Variants in DAB1 observed in about 807,000 individuals in gnomAD.
DAB1 encodes DAB adaptor protein 1.
DAB1 carries 15 observed loss-of-function variants against 64.6 expected under a neutral mutation model. That is an observed-to-expected ratio of 0.23 (90% CI 0.16 to 0.36). The LOEUF (loss-of-function observed/expected upper bound fraction) is 0.36. DAB1 is among the 10% of genes least tolerant of loss of function. The probability of loss-of-function intolerance (pLI) is 1.00; values close to 1 mark genes in which losing one functional copy is unlikely to be tolerated. For synonymous variants in DAB1, 235 were observed against 251.9 expected, an observed-to-expected ratio of 0.93 and a Z score of 0.64; for missense variants, 596 against 706.7, an observed-to-expected ratio of 0.84 and a Z score of 1.78.
intron 7 of DAB1, among the ~76,000 whole-genome samples, chr1:57,610,716 G>A (rs138638709): frequency 2.7e-3 from 418 of 152,220 alleles, no homozygotes; most frequent in Non-Finnish European, 4.3e-3. Flanking sequence ...AATGCCAGAC[G>A]CTTATAAAAC....
intron 7 of DAB1, among the ~76,000 whole-genome samples, chr1:57,504,249 G>A (rs1644320179): frequency 6.6e-6 from 1 of 152,146 alleles, no homozygotes; most frequent in Admixed American, 6.5e-5. Context: ...TTTCAATAAA[G>A]GGAACCAGGA....
intron 3 of DAB1, among the ~76,000 whole-genome samples, chr1:58,453,972 A>G (rs1645165186): frequency 6.6e-6 from 1 of 151,922 alleles, no homozygotes; most frequent in Non-Finnish European, 1.5e-5. Context: ...CTTGCACATC[A>G]GCTTGTACAA....
intron 3 of DAB1, among the ~76,000 whole-genome samples, chr1:58,479,591 G>C (rs1361334830): frequency 1.3e-5 from 2 of 152,164 alleles, no homozygotes; most frequent in Non-Finnish European, 2.9e-5. Flanking sequence ...TCTGAGAGAA[G>C]AACCTATAAA....
At chr1:57,318,807 C>G (rs1422549374) in intron 1 of DAB1, among the ~76,000 whole-genome samples, 1 of 150,014 alleles carries the variant, frequency 6.7e-6, no homozygotes, top group Non-Finnish European at 1.5e-5. Flanking sequence ...TGGGTAAAGA[C>G]ATGGGCTTGT....
intron 4 of DAB1, among the ~76,000 whole-genome samples, chr1:57,094,570 C>T (rs1261041605): frequency 6.6e-6 from 1 of 152,214 alleles, no homozygotes; most frequent in African/African-American, 2.4e-5. Flanking sequence ...GCCCATCCCA[C>T]TTCTAAATTA....
intron 5 of DAB1, among the ~76,000 whole-genome samples, chr1:58,023,116 CT>C (rs1646838178): frequency 6.6e-6 from 1 of 152,140 alleles, no homozygotes; most frequent in African/African-American, 2.4e-5. Flanking sequence ...GCATGGCATT[CT>C]TTGCCCTTCT....
chr1:57,825,851 G>A (rs1652326884), downstream of DAB1, among the ~76,000 whole-genome samples: 1 of 152,102 alleles, frequency 6.6e-6, no homozygotes, highest in Non-Finnish European at 1.5e-5. Context: ...CATGAGGAAA[G>A]GGTAAAGAAA....
intron 5 of DAB1, among the ~76,000 whole-genome samples, chr1:58,010,037 C>T (rs1344943966): frequency 6.6e-6 from 1 of 152,178 alleles, no homozygotes; most frequent in East Asian, 1.9e-4. Context: ...TGCTCCAATT[C>T]TCACAAATAG....
chr1:57,671,746 T>C (rs1304563340), intron 6 of DAB1, among the ~76,000 whole-genome samples: 3 of 152,022 alleles, frequency 2.0e-5, no homozygotes, highest in Non-Finnish European at 2.9e-5. Flanking sequence ...TAATTTCTGT[T>C]GACATTTTAC....
intron 5 of DAB1, among the ~76,000 whole-genome samples, chr1:58,017,924 T>C (rs2100446133): frequency 6.6e-6 from 1 of 152,314 alleles, no homozygotes; most frequent in East Asian, 1.9e-4. Flanking sequence ...GCACTGTGCT[T>C]GGCACTTTAA....
At chr1:57,252,010 C>T (rs999488474) in intron 2 of DAB1, among the ~76,000 whole-genome samples, 4 of 152,210 alleles carry the variant, frequency 2.6e-5, no homozygotes, top group Non-Finnish European at 5.9e-5. Context: ...CTCAAGCTGT[C>T]GTGCTTTTCC....
At chr1:57,885,367 G>C (rs886127456), upstream of DAB1, among the ~76,000 whole-genome samples, 2 of 152,136 alleles carry the variant, frequency 1.3e-5, no homozygotes, top group African/African-American at 4.8e-5. Context: ...TTCTAGCCCC[G>C]GCACCCTGCA....
chr1:57,767,686 C>A (rs1649376623), intron 6 of DAB1, among the ~76,000 whole-genome samples: 16 of 152,052 alleles, frequency 1.1e-4, no homozygotes, highest in Admixed American at 1.1e-3. Context: ...AATGAAAGAA[C>A]CAAATTAACA....
intron 7 of DAB1, among the ~76,000 whole-genome samples, chr1:57,640,697 G>C (rs1219273386): frequency 1.3e-5 from 2 of 152,174 alleles, no homozygotes; most frequent in East Asian, 1.9e-4. Context: ...CTCACTAAAA[G>C]AGAAGAATGG....
chr1:58,287,193 A>G (rs1661705126), intron 4 of DAB1, among the ~76,000 whole-genome samples: 2 of 152,156 alleles, frequency 1.3e-5, no homozygotes, highest in South Asian at 4.1e-4. Flanking sequence ...CATCAGGAAA[A>G]ATAGCTAATG....
intron 3 of DAB1, among the ~76,000 whole-genome samples, chr1:57,137,170 A>G (rs1385994890): frequency 1.3e-5 from 2 of 152,144 alleles, no homozygotes; most frequent in Non-Finnish European, 2.9e-5. Context: ...TTAAATGCCT[A>G]TTGATTATAA....
intron 3 of DAB1, among the ~76,000 whole-genome samples, chr1:58,490,232 C>A (rs971513202): frequency 1.3e-5 from 2 of 152,138 alleles, no homozygotes; most frequent in Non-Finnish European, 2.9e-5. Flanking sequence ...ATAACCAATG[C>A]AGAGAAGTCC....
intron 6 of DAB1, among the ~76,000 whole-genome samples, chr1:57,731,461 G>T (rs1206687435): frequency 6.6e-6 from 1 of 151,952 alleles, no homozygotes; most frequent in Non-Finnish European, 1.5e-5. Flanking sequence ...TCAAAATGTT[G>T]TTTTATGCTA....
chr1:58,450,625 G>T (rs1235766374), intron 3 of DAB1, among the ~76,000 whole-genome samples: 2 of 152,134 alleles, frequency 1.3e-5, no homozygotes, highest in African/African-American at 4.8e-5. Flanking sequence ...GTGGTGGCAG[G>T]CACCTGTAGT....
Sources: gnomAD v4.1 joint callset for allele counts (sites outside exome capture counted in the v4.1 genomes callset) on GRCh38, gnomAD v4.1.1 for gene constraint, MANE v1.5 for transcripts, NCBI Gene and HGNC (gene_info 2026-07-23, HGNC 2026-07-21) for gene names.